PRRC2C: variants seen among roughly 807,000 people sequenced by gnomAD.
The protein encoded by PRRC2C is proline rich coiled-coil 2C, also known as protein PRRC2C.
Under a neutral mutation model 317.2 loss-of-function variants are expected in PRRC2C, and 72 were observed. That is an observed-to-expected ratio of 0.23 (90% CI 0.19 to 0.28). The LOEUF (loss-of-function observed/expected upper bound fraction) is 0.28. PRRC2C is among the 10% of genes least tolerant of loss of function. The pLI, the probability that PRRC2C is intolerant of heterozygous loss-of-function variation, is 1.00. For synonymous variants in PRRC2C, 1,296 were observed against 1,205.9 expected, an observed-to-expected ratio of 1.07 and a Z score of -1.55; for missense variants, 3,074 against 3,459.7, an observed-to-expected ratio of 0.89 and a Z score of 2.80.
intron 7 of PRRC2C, among the ~76,000 whole-genome samples, chr1:171,522,801 G>T (rs1326530321): frequency 2.6e-5 from 4 of 151,096 alleles, no homozygotes; most frequent in African/African-American, 9.7e-5. Flanking sequence ...GAAAAACATG[G>T]CCCTAAAATT....
At chr1:171,508,844 ATTAT>A (rs1670747279) in intron 1 of PRRC2C, among the ~76,000 whole-genome samples, 1 of 151,846 alleles carries the variant, frequency 6.6e-6, no homozygotes, top group African/African-American at 2.4e-5. Context: ...TCAAGTGTTG[ATTAT>A]TTTCTTCACT....
rs778749159 is a variant in PRRC2C at position 171,539,966 on chromosome 1, C to G, written c.2505-5C>G. On this transcript the variant is annotated splice_polypyrimidine_tract_variant and splice_region_variant and intron_variant, in intron 15 of 34. Transcript: ENST00000647382. Reference sequence around the variant, plus strand: ...GATTATACCTTTGAATTCTTATCATCATAGGTCTGAAGCTGCGTTGGACCA... The same window carrying G: ...GATTATACCTTTGAATTCTTATCATGATAGGTCTGAAGCTGCGTTGGACCA... The G allele has an allele frequency of 2.8e-5, 45 of 1,596,140 alleles. No individual in the cohort carries two copies. The highest frequency in any genetic ancestry group is 3.8e-5 in the Non-Finnish European group (45 of 1,172,258).
chr1:171,512,980 G>T lies in PRRC2C; in HGVS notation c.113-15G>T, dbSNP rs1671660505. 6.3e-7 allele frequency: 1 copy of T among 1,587,246 alleles called. No homozygotes were observed. Among genetic ancestry groups the T allele is most frequent in the East Asian group, 2.3e-5 (1 of 44,408 alleles). On this transcript the variant is annotated splice_polypyrimidine_tract_variant and intron_variant, in intron 2 of 34. Coordinates refer to ENST00000647382, the MANE Select transcript of PRRC2C (RefSeq NM_001387844.1). ...AAATAGATGTTCTAAGAAAGTTGATGTTATTGATCTTTAGTTGCAGCTCGA... is the reference window on the plus strand; with the variant it reads ...AAATAGATGTTCTAAGAAAGTTGATTTTATTGATCTTTAGTTGCAGCTCGA...
chr1:171,573,624 T>G (rs1309879148), intron 24 of PRRC2C, among the ~76,000 whole-genome samples: 1 of 151,728 alleles, frequency 6.6e-6, no homozygotes. Context: ...TTATGAATAG[T>G]GTGTTTTTAA....
chr1:171,528,269 T>C (rs1675045552), intron 11 of PRRC2C, among the ~76,000 whole-genome samples: 1 of 151,736 alleles, frequency 6.6e-6, no homozygotes, highest in African/African-American at 2.4e-5. Context: ...CCTATTTCTC[T>C]GTTCTCCATC....
rs1413044271 is a variant in PRRC2C at position 171,562,016 on chromosome 1, C to T, written c.6117+913C>T. On this transcript the variant is annotated intron_variant, in intron 20 of 34. Transcript: ENST00000647382. ...GGAGAAACCACTAATAAAAAAACAT[C>T]GTGATCAGCACTGTGGAGAAAAACG... Among the ~76,000 whole-genome samples the T allele has an allele frequency of 2.0e-5, 3 of 152,190 alleles. No individual in the cohort carries two copies. The South Asian group carries it at 6.2e-4, about 32-fold the overall frequency.
Position 171,540,462 on chromosome 1 carries a change from C to T in PRRC2C, c.2996C>T (p.Pro999Leu), listed in dbSNP as rs1677762714. The T allele has an allele frequency of 6.2e-7, 1 of 1,612,958 alleles. No homozygotes were observed. The highest frequency in any genetic ancestry group is 8.5e-7 in the Non-Finnish European group (1 of 1,179,578). The change falls in exon 16 of 35, where the codon CCA becomes CTA. Residue 999 changes from proline to leucine, a missense_variant. Transcript: ENST00000647382. The part of the protein sequence containing the change: ...SKSETRWGPR[P>L]SSNRREEVND... ...TCAGAAACTCGTTGGGGCCCACGAC[C>T]AAGCTCTAACAGAAGGGAAGAAGTT...
intron 17 of PRRC2C, among the ~76,000 whole-genome samples, chr1:171,546,636 G>T (rs775615665): frequency 1.8e-4 from 28 of 152,138 alleles, no homozygotes; most frequent in Admixed American, 4.6e-4. Context: ...GACTTACTCT[G>T]TTGCCCAGGC....
intron 1 of PRRC2C, among the ~76,000 whole-genome samples, chr1:171,490,274 A>G (rs1038809332): frequency 8.5e-5 from 13 of 152,180 alleles, no homozygotes. Flanking sequence ...CATGTTTTAA[A>G]ATAAACATGA....
intron 30 of PRRC2C, among the ~76,000 whole-genome samples, chr1:171,586,687 T>A (rs1191088486): frequency 1.3e-5 from 2 of 151,670 alleles, no homozygotes; most frequent in African/African-American, 4.8e-5. Context: ...TCCAAGTGAT[T>A]CTCATGCCTC....
At chr1:171,568,890 A>G (rs886086375) in intron 23 of PRRC2C, among the ~76,000 whole-genome samples, 1 of 152,190 alleles carries the variant, frequency 6.6e-6, no homozygotes, top group Admixed American at 6.5e-5. Flanking sequence ...GATATGCTCT[A>G]ATATAAGGTG....
In PRRC2C at chr1:171,572,482, A is replaced by G. The variant is rs569687778; in HGVS notation, c.6753+1061A>G. On this transcript the variant is annotated intron_variant, in intron 24 of 34. Transcript: ENST00000647382. ...CCAATATTCATTTTGGACTCATATT[A>G]CTTTTGTCCCCTTATCTTTTCCCCT... Among the ~76,000 whole-genome samples the G allele has an allele frequency of 3.3e-5, 5 of 152,234 alleles. No individual in the cohort carries two copies. In the East Asian group the frequency reaches 9.7e-4, roughly 29 times the overall value.
intron 22 of PRRC2C, 78 bp downstream of exon 22, chr1:171,566,921 GC>G (rs2102718405): frequency 6.9e-7 from 1 of 1,447,348 alleles, no homozygotes; most frequent in Non-Finnish European, 9.2e-7. Context: ...GCAACAGTCT[GC>G]TTTTTTTTTT....
intron 1 of PRRC2C, chr1:171,511,741 T>TA (rs1310649098): frequency 6.3e-6 from 1 of 158,022 alleles, no homozygotes; most frequent in African/African-American, 2.4e-5. Context: ...CTTTTTAAAA[T>TA]AGACAGTCTC....
intron 24 of PRRC2C, among the ~76,000 whole-genome samples, chr1:171,572,593 CATCCCT>C (rs1351283950): frequency 6.6e-6 from 1 of 152,164 alleles, no homozygotes; most frequent in Non-Finnish European, 1.5e-5. Flanking sequence ...TGCTTTGTGC[CATCCCT>C]GTCTTTGCCT....
chr1:171,529,031 G>T (rs1443154029), intron 11 of PRRC2C, among the ~76,000 whole-genome samples: 1 of 151,928 alleles, frequency 6.6e-6, no homozygotes, highest in East Asian at 1.9e-4. Flanking sequence ...TCCTAGACAA[G>T]ATACCACCTT....
At chr1:171,554,584 A>G (rs1432920862) in intron 18 of PRRC2C, among the ~76,000 whole-genome samples, 1 of 152,182 alleles carries the variant, frequency 6.6e-6, no homozygotes, top group African/African-American at 2.4e-5. Flanking sequence ...ACAATTTGGC[A>G]TGTTTTTGCA....
In PRRC2C at chr1:171,541,534, T is replaced by A; in HGVS notation, c.4068T>A (p.Asp1356Glu). The change falls in exon 16 of 35, where the codon GAT (aspartate) becomes GAA (glutamate). Residue 1356 changes from aspartate to glutamate, a missense_variant. By Grantham distance (45) the Asp-to-Glu change is conservative. This residue lies in a region of PRRC2C where 1,320 missense variants were observed against 1,395.7 expected (regional missense o/e 0.95). Transcript: ENST00000647382. This position sits in a 1 kb window ranked among gnomAD's most constrained non-coding sequence, Gnocchi z 4.1. ...RGGTFRRGGRDPGGRPSRPST... is the reference protein window; with the variant it reads ...RGGTFRRGGREPGGRPSRPST... ...GAACATTCAGGCGTGGTGGAAGGGA[T>A]CCTGGAGGCCGTCCATCACGCCCTT... is the stretch of plus-strand genomic sequence containing the variant. 4 of 1,613,408 alleles carry A rather than the reference T, an allele frequency of 2.5e-6. No individual in the cohort carries two copies. Among genetic ancestry groups the A allele is most frequent in the Non-Finnish European group, 3.4e-6 (4 of 1,179,756 alleles).
Position 171,575,266 on chromosome 1 carries a change from A to T in PRRC2C, c.6955+138A>T, listed in dbSNP as rs1685506380. 7.1e-6 allele frequency: 6 copies of T among 847,358 alleles called. No homozygotes were observed. In the African/African-American group the frequency reaches 8.6e-5, roughly 12 times the overall value. The allele number at this position is 847,358 out of a possible 1,614,324, so 52.5% of individuals were successfully genotyped here. On this transcript the variant is annotated intron_variant, in intron 25 of 34. Transcript: ENST00000647382. Reference sequence around the variant, plus strand: ...CACCTCAGCCTCCCAAAGTGCTGGGATTACAGGCATGAGCCACCACATGTG... The same window carrying T: ...CACCTCAGCCTCCCAAAGTGCTGGGTTTACAGGCATGAGCCACCACATGTG...
Sources: allele counts gnomAD v4.1 joint callset (sites outside exome capture counted in the v4.1 genomes callset), GRCh38; gene constraint gnomAD v4.1.1; regional missense constraint gnomAD v4.1.1; non-coding constraint Gnocchi (gnomAD v3.1); transcripts MANE v1.5; gene names NCBI Gene and HGNC (gene_info 2026-07-23, HGNC 2026-07-21).